Variants in PTCHD4 observed in about 807,000 individuals in gnomAD.
PTCHD4 encodes patched domain-containing protein 4.
PTCHD4 carries 33 observed loss-of-function variants against 58.1 expected under a neutral mutation model. The observed-to-expected ratio is 0.57, with a 90% CI of 0.43 to 0.76. The LOEUF is 0.76. PTCHD4 is among the 30% of genes least tolerant of loss of function. The pLI is 0.00. For synonymous variants in PTCHD4, 478 were observed against 409.6 expected (o/e 1.17, Z -2.02); for missense variants, 1,058 against 1,027.1 (o/e 1.03, Z -0.41).
intron 4 of PTCHD4, among the ~76,000 whole-genome samples, chr6:47,917,992 G>A (rs1203371024): frequency 6.6e-6 from 1 of 152,098 alleles, no homozygotes; most frequent in Non-Finnish European, 1.5e-5. Flanking sequence ...GATGGGTCTA[G>A]GAAGATGATT....
chr6:47,963,065 G>A (rs1767157535), intron 4 of PTCHD4, among the ~76,000 whole-genome samples: 1 of 151,800 alleles, frequency 6.6e-6, no homozygotes, highest in African/African-American at 2.4e-5. Flanking sequence ...GGAGGCAGAG[G>A]TTGCAGTGAG....
Position 48,008,772 on chromosome 6 carries a change from AG to A in PTCHD4, c.759del (p.Cys254AlafsTer73). The A allele has an allele frequency of 6.2e-7, 1 of 1,613,992 alleles. No homozygotes were observed. The highest frequency in any genetic ancestry group is 1.7e-5 in the Admixed American group (1 of 59,986). On this transcript the variant is annotated frameshift_variant, in exon 4 of 5. Coordinates refer to ENST00000339488, the MANE Select transcript of PTCHD4 (RefSeq NM_001384253.1). LOFTEE classifies it high-confidence loss of function. ...TTATLSSSMK[D>X]CLRSKPFLGL... ...CCCAGGAAGGGCTTACTGCGCAAGC[AG>A]TCCTTCATGGAGCTGGAGAGGGTGG...
In PTCHD4 at chr6:48,008,802, T is replaced by A. The variant is rs746997235; in HGVS notation, c.730A>T (p.Thr244Ser). The A allele has an allele frequency of 1.2e-5, 19 of 1,613,876 alleles. No individual in the cohort carries two copies. Among genetic ancestry groups the A allele is most frequent in the Non-Finnish European group, 1.0e-5 (12 of 1,179,904 alleles). The change falls in exon 4 of 5, where the codon ACA (threonine) becomes TCA (serine). Residue 244 changes from threonine (T) to serine (S), a missense_variant. Thr to Ser is a moderately conservative substitution (Grantham distance 58). Coordinates refer to ENST00000339488, the MANE Select transcript of PTCHD4 (RefSeq NM_001384253.1). Reference sequence around the variant, plus strand: ...TTCATGGAGCTGGAGAGGGTGGCTGTGGTCAGGATCAGCACGAGGCTCACC... The same window carrying A: ...TTCATGGAGCTGGAGAGGGTGGCTGAGGTCAGGATCAGCACGAGGCTCACC... ...VLVSLVLILT[T>S]ATLSSSMKDC...
At chr6:48,005,037 A>G (rs962459642) in intron 4 of PTCHD4, among the ~76,000 whole-genome samples, 6 of 152,210 alleles carry the variant, frequency 3.9e-5, no homozygotes, top group Admixed American at 6.5e-5. Context: ...AATTTGACAC[A>G]TATAATTTTT....
At position 47,879,021 on chromosome 6, in the gene PTCHD4, A is replaced by G. The variant is rs1416739682; in HGVS notation, c.1814T>C (p.Leu605Ser). The change falls in exon 5 of 5, where the codon TTG becomes TCG. Residue 605 changes from leucine (L) to serine (S), a missense_variant. Transcript: ENST00000339488. ...TCTGCTAGTCCTGGCCACCAGATAC[A>G]AGCGAGAAGCAATGATATTGCTTTC... ...GDESNIIASR[L>S]YLVARTSRDK... 1 of 1,613,518 alleles carries G rather than the reference A, an allele frequency of 6.2e-7. No homozygotes were observed. The highest frequency in any genetic ancestry group is 8.5e-7 in the Non-Finnish European group (1 of 1,179,756).
intron 1 of PTCHD4, among the ~76,000 whole-genome samples, chr6:48,105,878 C>G (rs945080379): frequency 6.6e-6 from 1 of 152,096 alleles, no homozygotes; most frequent in Non-Finnish European, 1.5e-5. Flanking sequence ...TTGACACATA[C>G]ACTCTCCCAA....
chr6:48,066,792 C>T (rs991991449), intron 3 of PTCHD4, among the ~76,000 whole-genome samples: 2 of 146,046 alleles, frequency 1.4e-5, no homozygotes, highest in African/African-American at 5.2e-5. Context: ...AATGGGGACA[C>T]CATGTTAAGA....
intron 1 of PTCHD4, among the ~76,000 whole-genome samples, chr6:48,106,092 C>G (rs1467852359): frequency 6.6e-6 from 1 of 152,206 alleles, no homozygotes. Flanking sequence ...TCCTCCCTAA[C>G]TCATTTTATG....
intron 4 of PTCHD4, among the ~76,000 whole-genome samples, chr6:47,949,528 T>C (rs1241653811): frequency 6.6e-6 from 1 of 152,156 alleles, no homozygotes; most frequent in African/African-American, 2.4e-5. Flanking sequence ...AAATCTGCAG[T>C]AGGGAGAAGG....
At chr6:47,944,171 C>A (rs562597628) in intron 4 of PTCHD4, among the ~76,000 whole-genome samples, 1 of 152,156 alleles carries the variant, frequency 6.6e-6, no homozygotes, top group Non-Finnish European at 1.5e-5. Context: ...AAATATAGTG[C>A]TGCAGCTGGA....
rs181346737 is a variant in PTCHD4, at chr6:47,879,069, A to G, written c.1766T>C (p.Ile589Thr). 2 of 1,613,454 alleles carry G rather than the reference A, an allele frequency of 1.2e-6. No homozygotes were observed. Among genetic ancestry groups the G allele is most frequent in the Admixed American group, 1.7e-5 (1 of 59,938 alleles). Residue 589 changes from isoleucine to threonine, a missense_variant, in exon 5 of 5, where the codon ATC becomes ACC. By Grantham distance (89) the Ile-to-Thr change is moderately conservative (BLOSUM62 -1). Coordinates refer to ENST00000339488, the MANE Select transcript of PTCHD4 (RefSeq NM_001384253.1). ...KPEFQHFRND[I>T]IFSKAGDESN... is the part of the protein sequence containing the mutation. ...TTCATCCCCTGCCTTGGAGAAGATG[A>G]TATCATTTCGAAAATGCTGGAATTC... is the stretch of plus-strand genomic sequence containing the variant.
At chr6:47,901,973 T>C in intron 4 of PTCHD4, 1 of 1,234,016 alleles carries the variant, frequency 8.1e-7, no homozygotes, top group Non-Finnish European at 1.1e-6. Context: ...ACAAGAGTTA[T>C]GTTATATTTC....
intron 4 of PTCHD4, among the ~76,000 whole-genome samples, chr6:47,981,720 C>G (rs1767888858): frequency 6.6e-6 from 1 of 152,164 alleles, no homozygotes; most frequent in African/African-American, 2.4e-5. Flanking sequence ...CTCAAGCAGT[C>G]TTAAAATCTC....
At chr6:47,980,237 A>G (rs949572143) in intron 4 of PTCHD4, among the ~76,000 whole-genome samples, 1 of 152,062 alleles carries the variant, frequency 6.6e-6, no homozygotes, top group Admixed American at 6.6e-5. Flanking sequence ...TTCTTATATA[A>G]CAAGGGTAAA....
chr6:47,899,511 G>A, intron 4 of PTCHD4: 1 of 836,720 alleles, frequency 1.2e-6, no homozygotes, highest in Non-Finnish European at 1.4e-6. Flanking sequence ...CAGAAAATGA[G>A]TCTAGTGAGC....
At chr6:48,096,558 G>A (rs1765473716) in intron 1 of PTCHD4, among the ~76,000 whole-genome samples, 1 of 150,890 alleles carries the variant, frequency 6.6e-6, no homozygotes, top group Admixed American at 6.6e-5. Flanking sequence ...GTTGCAGTGA[G>A]CCGAGATGGT....
At chr6:47,943,807 G>A (rs574540170) in intron 4 of PTCHD4, among the ~76,000 whole-genome samples, 45 of 151,924 alleles carry the variant, frequency 3.0e-4, no homozygotes, top group Non-Finnish European at 3.7e-4. Flanking sequence ...TAGTATAATC[G>A]AAAATCAGGC....
At chr6:48,003,664 A>T (rs1282518621) in intron 4 of PTCHD4, among the ~76,000 whole-genome samples, 2 of 152,208 alleles carry the variant, frequency 1.3e-5, no homozygotes, top group African/African-American at 4.8e-5. Context: ...AAAGTATGTC[A>T]GACCACACCC....
At chr6:48,082,019 G>C (rs1004081380) in intron 1 of PTCHD4, among the ~76,000 whole-genome samples, 1 of 152,154 alleles carries the variant, frequency 6.6e-6, no homozygotes, top group Non-Finnish European at 1.5e-5. Flanking sequence ...GCTGTTGAGT[G>C]GAAAAATTTT....
Sources: allele counts gnomAD v4.1 joint callset (sites outside exome capture counted in the v4.1 genomes callset), GRCh38; gene constraint gnomAD v4.1.1; transcripts MANE v1.5; gene names NCBI Gene and HGNC (gene_info 2026-07-23, HGNC 2026-07-21).